OTUD7A: variants seen among roughly 807,000 people sequenced by gnomAD.
OTUD7A encodes the protein OTU deubiquitinase 7A.
A neutral mutation model predicts 65.7 loss-of-function variants in OTUD7A; 12 were observed. The ratio of observed to expected loss-of-function variants is 0.18; its 90% confidence interval spans 0.12 to 0.30. The LOEUF (loss-of-function observed/expected upper bound fraction) is 0.30. Among genes scored for constraint, OTUD7A ranks in the 10% least tolerant of loss-of-function variants. The pLI is 1.00. For synonymous variants in OTUD7A, 641 were observed against 586.3 expected (o/e 1.09, Z -1.35); for missense variants, 1,148 against 1,304.8 (o/e 0.88, Z 1.85).
At chr15:31,721,944 G>C (rs1040084685) in intron 1 of OTUD7A, among the ~76,000 whole-genome samples, 1 of 152,200 alleles carries the variant, frequency 6.6e-6, no homozygotes, top group African/African-American at 2.4e-5. Context: ...CTCGAAGTCG[G>C]TGCTCAATAA....
In OTUD7A at chr15:31,805,832, A is replaced by T. The variant is rs1896256197; in HGVS notation, c.-100+64675T>A. 2.0e-5 allele frequency among the ~76,000 whole-genome samples: 3 copies of T among 152,224 alleles called. No individual in the cohort carries two copies. The South Asian group carries it at 6.2e-4, about 32-fold the overall frequency. On this transcript the variant is annotated intron_variant, in intron 1 of 12. Coordinates refer to ENST00000307050, the MANE Select transcript of OTUD7A (RefSeq NM_001382637.1). ...AACAATAAGAACTACAAATATCTAC[A>T]TTTAATCAATTAACACAAACCAATT...
intron 1 of OTUD7A, among the ~76,000 whole-genome samples, chr15:31,668,998 T>G (rs1317212690): frequency 6.6e-6 from 1 of 152,226 alleles, no homozygotes; most frequent in African/African-American, 2.4e-5. Flanking sequence ...CCCTGTGATG[T>G]AAACCATCTA....
chr15:31,744,380 A>C (rs58057290), intron 1 of OTUD7A, among the ~76,000 whole-genome samples: 2,657 of 152,258 alleles, frequency 0.017, 83 homozygotes, highest in African/African-American at 0.061. Context: ...TCCTGTAATA[A>C]ATGAAAAATA....
At chr15:31,564,201 A>G (rs721548) in intron 4 of OTUD7A, among the ~76,000 whole-genome samples, 25,958 of 152,014 alleles carry the variant, frequency 0.17, 2,408 homozygotes, top group East Asian at 0.24. Flanking sequence ...CTTAGAAGAC[A>G]TGAGAACAAG....
intron 1 of OTUD7A, among the ~76,000 whole-genome samples, chr15:31,792,974 C>T (rs1351054394): frequency 6.6e-6 from 1 of 152,164 alleles, no homozygotes; most frequent in African/African-American, 2.4e-5. Context: ...CTCCTCACCG[C>T]CGGCCACGGG....
intron 1 of OTUD7A, among the ~76,000 whole-genome samples, chr15:31,742,416 A>G (rs895785548): frequency 5.3e-5 from 8 of 152,132 alleles, no homozygotes; most frequent in African/African-American, 1.9e-4. Context: ...GTTACAACAC[A>G]TGCATGTAGA....
At chr15:31,781,398 C>A (rs1895535779) in intron 1 of OTUD7A, among the ~76,000 whole-genome samples, 2 of 152,146 alleles carry the variant, frequency 1.3e-5, no homozygotes. Context: ...ATGAGCCCAG[C>A]CCCAGTCTTC....
chr15:31,496,701 C>T lies in OTUD7A; in HGVS notation c.1171+4989G>A, dbSNP rs137918857. ...TATTGAAAACTGGAATGTTACATTC[C>T]GTGTGGCTTGGGGAATAGTAGAGCA... On this transcript the variant is annotated intron_variant, in intron 10 of 12. Coordinates refer to ENST00000307050, the MANE Select transcript of OTUD7A (RefSeq NM_001382637.1). Among the ~76,000 whole-genome samples the T allele has an allele frequency of 2.1e-3, 321 of 152,186 alleles. 1 individual carries two copies. The highest frequency in any genetic ancestry group is 7.6e-3 in the African/African-American group (314 of 41,532).
intron 8 of OTUD7A, among the ~76,000 whole-genome samples, chr15:31,508,377 C>G (rs558617464): frequency 2.8e-5 from 4 of 143,070 alleles, no homozygotes; most frequent in South Asian, 2.2e-4. Context: ...GAGACGGAGT[C>G]TTGCTCTGTC....
chr15:31,641,858 A>T (rs1223474652), intron 3 of OTUD7A, among the ~76,000 whole-genome samples: 1 of 152,188 alleles, frequency 6.6e-6, no homozygotes, highest in Non-Finnish European at 1.5e-5. Context: ...TCACCTGTGA[A>T]TAAAGATAGT....
At chr15:31,492,192 T>C (rs1308806877) in intron 10 of OTUD7A, among the ~76,000 whole-genome samples, 1 of 152,238 alleles carries the variant, frequency 6.6e-6, no homozygotes, top group Non-Finnish European at 1.5e-5. Flanking sequence ...AAATGTCTGA[T>C]AATAGCAAAG....
At chr15:31,738,690 C>G (rs1894258472) in intron 1 of OTUD7A, among the ~76,000 whole-genome samples, 1 of 152,172 alleles carries the variant, frequency 6.6e-6, no homozygotes, top group African/African-American at 2.4e-5. Context: ...GCAAGTGCAG[C>G]CTGTTGACTC....
chr15:31,767,144 G>A, intron 1 of OTUD7A: 2 of 1,426,764 alleles, frequency 1.4e-6, no homozygotes, highest in South Asian at 2.4e-5. Flanking sequence ...GAAGCAGACT[G>A]AGAAGGCGGC....
In OTUD7A at chr15:31,570,031, G is replaced by T; in HGVS notation, c.318C>A (p.Asp106Glu). 1 of 1,614,050 alleles carries T rather than the reference G, an allele frequency of 6.2e-7. No individual in the cohort carries two copies. The highest frequency in any genetic ancestry group is 2.2e-5 in the East Asian group (1 of 44,884). Reference protein sequence around the residue: ...KVERPCLQRQDDIAQEKRLSR... With the variant: ...KVERPCLQRQEDIAQEKRLSR... Reference sequence around the variant, plus strand: ...CCTCAGCGGTACCTTGGGCAATGTCGTCCTGCCTCTGCAGGCAGGGTCGCT... The same window carrying T: ...CCTCAGCGGTACCTTGGGCAATGTCTTCCTGCCTCTGCAGGCAGGGTCGCT... Residue 106 changes from aspartate to glutamate, a missense_variant, in exon 4 of 13, where the codon GAC (aspartate) becomes GAA (glutamate). Coordinates refer to ENST00000307050, the MANE Select transcript of OTUD7A (RefSeq NM_001382637.1).
intron 1 of OTUD7A, among the ~76,000 whole-genome samples, chr15:31,864,377 G>A (rs1345572003): frequency 1.3e-5 from 2 of 152,122 alleles, no homozygotes; most frequent in East Asian, 3.8e-4. Context: ...GCGAAACTGG[G>A]AACAAAAAGA....
At chr15:31,810,239 G>A (rs899625907) in intron 1 of OTUD7A, among the ~76,000 whole-genome samples, 1 of 152,166 alleles carries the variant, frequency 6.6e-6, no homozygotes, top group Admixed American at 6.5e-5. Context: ...GGGATGCTAA[G>A]GTGGGCAAGG....
At chr15:31,794,632 A>G (rs1193102427) in intron 1 of OTUD7A, among the ~76,000 whole-genome samples, 8 of 11,460 alleles carry the variant, frequency 7.0e-4, no homozygotes, top group Non-Finnish European at 1.2e-3. Context: ...TAGAATAGTG[A>G]AAAAAAAAAA....
chr15:31,532,319 A>G (rs1324680122), intron 5 of OTUD7A, among the ~76,000 whole-genome samples: 4 of 152,228 alleles, frequency 2.6e-5, no homozygotes, highest in Non-Finnish European at 5.9e-5. Flanking sequence ...AAAGAAATAG[A>G]AAGTCTTACC....
intron 1 of OTUD7A, among the ~76,000 whole-genome samples, chr15:31,813,524 G>C (rs1460074111): frequency 1.3e-5 from 2 of 152,190 alleles, no homozygotes; most frequent in African/African-American, 2.4e-5. Flanking sequence ...GGGGAGGTCA[G>C]GGGTAAAGGA....
Sources: gnomAD v4.1 joint callset for allele counts (sites outside exome capture counted in the v4.1 genomes callset) on GRCh38, gnomAD v4.1.1 for gene constraint, MANE v1.5 for transcripts, NCBI Gene and HGNC (gene_info 2026-07-23, HGNC 2026-07-21) for gene names.